Variants in UNC5C observed in about 807,000 individuals in gnomAD.
UNC5C encodes the protein netrin receptor UNC5C.
Under a neutral mutation model 99.8 loss-of-function variants are expected in UNC5C, and 47 were observed. That is an observed-to-expected ratio of 0.47 (90% confidence interval 0.37 to 0.60). UNC5C has a LOEUF of 0.60. Among genes scored for constraint, UNC5C ranks in the 20% least tolerant of loss-of-function variants. UNC5C has a pLI of 0.00. For missense variants in UNC5C, 1,062 were observed against 1,165.9 expected (o/e 0.91, Z 1.30); for synonymous variants, 487 against 452.2 (o/e 1.08, Z -0.98).
At chr4:95,453,048 A>G (rs1260164599) in intron 1 of UNC5C, among the ~76,000 whole-genome samples, 1 of 152,160 alleles carries the variant, frequency 6.6e-6, no homozygotes, top group Non-Finnish European at 1.5e-5. Flanking sequence ...TACGGAAAAT[A>G]TACAGGAAGG....
At chr4:95,322,633 G>A (rs981483265) in intron 2 of UNC5C, among the ~76,000 whole-genome samples, 2 of 151,796 alleles carry the variant, frequency 1.3e-5, no homozygotes, top group Non-Finnish European at 2.9e-5. Context: ...TGTGATTTTT[G>A]CACTTCAAAA....
At chr4:95,460,510 G>A (rs1043741736) in intron 1 of UNC5C, among the ~76,000 whole-genome samples, 14 of 152,184 alleles carry the variant, frequency 9.2e-5, no homozygotes, top group Admixed American at 2.6e-4. Context: ...TGTTCTCATG[G>A]TAGTGAATAA....
In UNC5C at chr4:95,167,561, T is replaced by G. The variant is rs1735907024; in HGVS notation, c.*1673A>C. On this transcript the variant is annotated 3_prime_UTR_variant, in exon 16 of 16. Transcript: ENST00000453304. Reference sequence around the variant, plus strand: ...GATAAACTTGTAGGAGTGGTCTAGATATCAAGATGCCAAGACAATAATAAA... The same window carrying G: ...GATAAACTTGTAGGAGTGGTCTAGAGATCAAGATGCCAAGACAATAATAAA... 6.6e-6 allele frequency: 1 copy of G among 152,120 alleles called. No homozygotes were observed. Among genetic ancestry groups the G allele is most frequent in the Non-Finnish European group, 1.5e-5 (1 of 68,010 alleles). 9.4% of individuals were successfully genotyped at this position (152,120 alleles called of 1,614,324 possible).
intron 3 of UNC5C, among the ~76,000 whole-genome samples, chr4:95,287,636 T>G (rs1217667392): frequency 6.6e-6 from 1 of 152,156 alleles, no homozygotes; most frequent in African/African-American, 2.4e-5. Context: ...GGATTTAGCT[T>G]CAGGATCTGC....
chr4:95,302,203 T>C (rs1326715423), intron 2 of UNC5C, among the ~76,000 whole-genome samples: 1 of 152,264 alleles, frequency 6.6e-6, no homozygotes, highest in African/African-American at 2.4e-5. Context: ...TTAGCAGTTG[T>C]GTTTCAATTA....
At chr4:95,207,825 A>T (rs893342557) in intron 10 of UNC5C, among the ~76,000 whole-genome samples, 2 of 152,188 alleles carry the variant, frequency 1.3e-5, no homozygotes, top group Non-Finnish European at 2.9e-5. Context: ...CTAAAAGGTC[A>T]CCTCGTTTAC....
At chr4:95,453,217 G>A (rs1372349180) in intron 1 of UNC5C, among the ~76,000 whole-genome samples, 1 of 152,074 alleles carries the variant, frequency 6.6e-6, no homozygotes, top group East Asian at 1.9e-4. Context: ...CAAGTGTTGT[G>A]CAAGAGGAAA....
chr4:95,381,518 C>T (rs377665162), intron 1 of UNC5C, among the ~76,000 whole-genome samples: 26 of 152,254 alleles, frequency 1.7e-4, no homozygotes, highest in African/African-American at 6.3e-4. Context: ...ACCAGTCCTC[C>T]TCCTCTACCA....
intron 1 of UNC5C, among the ~76,000 whole-genome samples, chr4:95,507,494 T>A (rs1482599443): frequency 6.6e-6 from 1 of 152,044 alleles, no homozygotes; most frequent in East Asian, 1.9e-4. Context: ...TCTGCAACAT[T>A]ACAATTTCCT....
At chr4:95,330,957 A>G (rs748767179) in intron 2 of UNC5C, among the ~76,000 whole-genome samples, 17 of 151,904 alleles carry the variant, frequency 1.1e-4, no homozygotes, top group Middle Eastern at 3.2e-3. Flanking sequence ...CTCATTACCA[A>G]CCCCCCTCAC....
At chr4:95,451,009 G>A (rs926414145) in intron 1 of UNC5C, among the ~76,000 whole-genome samples, 11 of 152,144 alleles carry the variant, frequency 7.2e-5, no homozygotes, top group Admixed American at 1.3e-4. Flanking sequence ...AGTGATTAAA[G>A]TAAAGGTATT....
intron 4 of UNC5C, among the ~76,000 whole-genome samples, chr4:95,276,460 G>T (rs1402451556): frequency 6.6e-6 from 1 of 152,032 alleles, no homozygotes; most frequent in Non-Finnish European, 1.5e-5. Context: ...ACTTTGTCAA[G>T]GAGACTGAAA....
At chr4:95,206,982 G>C (rs1737903953) in intron 10 of UNC5C, among the ~76,000 whole-genome samples, 186 bp from the exon 11 acceptor site, 1 of 146,992 alleles carries the variant, frequency 6.8e-6, no homozygotes, top group African/African-American at 2.5e-5. Context: ...CCAAGACCTT[G>C]ATCTTGCAGG....
intron 1 of UNC5C, among the ~76,000 whole-genome samples, chr4:95,368,665 A>C (rs1271513853): frequency 6.6e-6 from 1 of 152,160 alleles, no homozygotes; most frequent in Non-Finnish European, 1.5e-5. Context: ...TCCAGGTGAG[A>C]CCTAAACCAG....
At chr4:95,209,220 T>C (rs1335578792) in intron 10 of UNC5C, among the ~76,000 whole-genome samples, 2 of 152,198 alleles carry the variant, frequency 1.3e-5, no homozygotes, top group African/African-American at 2.4e-5. Context: ...GTACTCTGTA[T>C]AATGCTATCG....
chr4:95,341,831 A>G (rs1743591409), intron 1 of UNC5C, among the ~76,000 whole-genome samples: 1 of 152,072 alleles, frequency 6.6e-6, no homozygotes, highest in Non-Finnish European at 1.5e-5. Flanking sequence ...AGGTGTGGAG[A>G]GAGAATCTGT....
chr4:95,324,541 G>C (rs775728828), intron 2 of UNC5C, among the ~76,000 whole-genome samples: 1 of 152,074 alleles, frequency 6.6e-6, no homozygotes, highest in East Asian at 1.9e-4. Flanking sequence ...CCATGAAAAC[G>C]GTCCCTCCTG....
intron 1 of UNC5C, among the ~76,000 whole-genome samples, chr4:95,447,854 G>C (rs907479217): frequency 6.6e-6 from 1 of 152,110 alleles, no homozygotes; most frequent in Non-Finnish European, 1.5e-5. Context: ...ATAGTCTACC[G>C]TAAGGCAGAC....
chr4:95,546,620 C>A (rs1333812308), intron 1 of UNC5C, among the ~76,000 whole-genome samples: 1 of 152,092 alleles, frequency 6.6e-6, no homozygotes, highest in East Asian at 1.9e-4. Context: ...ATGCATACAC[C>A]CAACGGAGTA....
Sources: allele counts gnomAD v4.1 joint callset (sites outside exome capture counted in the v4.1 genomes callset), GRCh38; gene constraint gnomAD v4.1.1; transcripts MANE v1.5; gene names NCBI Gene and HGNC (gene_info 2026-07-23, HGNC 2026-07-21).